SPATA6: variants seen among roughly 807,000 people sequenced by gnomAD.
The protein encoded by SPATA6 is spermatogenesis associated 6.
A neutral mutation model predicts 65.3 loss-of-function variants in SPATA6; 56 were observed. That is an observed-to-expected ratio of 0.86 (90% CI 0.69 to 1.07). The LOEUF is 1.07. Ranked by LOEUF, SPATA6 falls within the 50% of genes least tolerant of loss-of-function variation. The pLI, the probability that SPATA6 is intolerant of heterozygous loss-of-function variation, is 0.00. For synonymous variants in SPATA6, 199 were observed against 213.2 expected (o/e 0.93, Z 0.58); for missense variants, 590 against 594.8 (o/e 0.99, Z 0.08).
chr1:48,289,500 C>T, the SPATA6 span, among the ~76,000 whole-genome samples: 1 of 152,176 alleles, frequency 6.6e-6, no homozygotes, highest in Non-Finnish European at 1.5e-5. Context: ...TGGAGAATGA[C>T]TTTGACAAGT....
At chr1:48,366,605 G>A (rs1647023724) in intron 9 of SPATA6, among the ~76,000 whole-genome samples, 1 of 152,152 alleles carries the variant, frequency 6.6e-6, no homozygotes, top group African/African-American at 2.4e-5. Context: ...AGTATTCTCT[G>A]ATGGTAGTTT....
chr1:48,301,415 A>G (rs1182062545), intron 12 of SPATA6, among the ~76,000 whole-genome samples: 1 of 152,116 alleles, frequency 6.6e-6, no homozygotes, highest in Non-Finnish European at 1.5e-5. Context: ...AAGAATCAAT[A>G]TTGTTAAAAT....
chr1:48,320,258 G>A (rs1645563138), intron 11 of SPATA6, among the ~76,000 whole-genome samples: 1 of 152,198 alleles, frequency 6.6e-6, no homozygotes, highest in African/African-American at 2.4e-5. Flanking sequence ...TCAAGTACAA[G>A]AGGGTTATAG....
intron 11 of SPATA6, among the ~76,000 whole-genome samples, chr1:48,312,742 C>A (rs187583778): frequency 6.6e-6 from 1 of 152,020 alleles, no homozygotes; most frequent in African/African-American, 2.4e-5. Flanking sequence ...GATGATCAAA[C>A]GACTCCAAGC....
At chr1:48,406,699 T>C (rs1380984006) in intron 5 of SPATA6, among the ~76,000 whole-genome samples, 2 of 152,242 alleles carry the variant, frequency 1.3e-5, no homozygotes, top group African/African-American at 4.8e-5. Flanking sequence ...ACCATCATGA[T>C]ATTCACAGCT....
At chr1:48,418,065 T>C (rs1652948645) in intron 3 of SPATA6, among the ~76,000 whole-genome samples, 1 of 152,164 alleles carries the variant, frequency 6.6e-6, no homozygotes, top group African/African-American at 2.4e-5. Flanking sequence ...ATTTTATGCA[T>C]TTCTTAATTC....
intron 11 of SPATA6, among the ~76,000 whole-genome samples, chr1:48,351,396 C>A (rs1275100686): frequency 6.6e-6 from 1 of 151,954 alleles, no homozygotes; most frequent in African/African-American, 2.4e-5. Flanking sequence ...TGTTTCCGAA[C>A]TTTGAGAAAA....
At chr1:48,409,063 AG>A (rs1292085624) in intron 5 of SPATA6, among the ~76,000 whole-genome samples, 3 of 152,230 alleles carry the variant, frequency 2.0e-5, no homozygotes, top group African/African-American at 7.2e-5. Flanking sequence ...TTAACTCAAA[AG>A]TCCACAGTCC....
the SPATA6 span, among the ~76,000 whole-genome samples, chr1:48,278,609 A>C: frequency 6.6e-6 from 1 of 152,336 alleles, no homozygotes; most frequent in Admixed American, 6.5e-5. Context: ...GAATGAAATG[A>C]AGCGAGAAGG....
the SPATA6 span, among the ~76,000 whole-genome samples, chr1:48,281,567 G>A: frequency 6.6e-6 from 1 of 151,916 alleles, no homozygotes; most frequent in South Asian, 2.1e-4. Context: ...CAAATCATGA[G>A]TGAACTCCCA....
chr1:48,391,179 A>G (rs1650022266), intron 8 of SPATA6, among the ~76,000 whole-genome samples: 1 of 149,054 alleles, frequency 6.7e-6, no homozygotes, highest in African/African-American at 2.5e-5. Context: ...AGCCTAGGCA[A>G]CATGGTGAAA....
downstream of SPATA6, among the ~76,000 whole-genome samples, chr1:48,293,916 G>A (rs1297515471): frequency 1.3e-5 from 2 of 152,076 alleles, no homozygotes; most frequent in Non-Finnish European, 2.9e-5. Flanking sequence ...TTTGCGAATG[G>A]GTGAACAGTC....
At position 48,297,128 on chromosome 1, in the gene SPATA6, GTGTGT is replaced by G. The variant is rs1644827977; in HGVS notation, c.*1580_*1584del. ...TCCTACATATGACTCTCTAAGAGGTGTGTGTGTGTGTGTGTGTGTGTGTGTGTGTG... is the reference window on the plus strand; with the variant it reads ...TCCTACATATGACTCTCTAAGAGGTGGTGTGTGTGTGTGTGTGTGTGTGTG... On this transcript the variant is annotated 3_prime_UTR_variant, in exon 13 of 13. Coordinates refer to ENST00000371847, the MANE Select transcript of SPATA6 (RefSeq NM_019073.4). The G allele has an allele frequency of 3.1e-5, 1 of 31,940 alleles. No homozygotes were observed. Among genetic ancestry groups the G allele is most frequent in the South Asian group, 7.5e-4 (1 of 1,330 alleles). The allele number at this position is 31,940 out of a possible 1,614,324, so 2.0% of individuals were successfully genotyped here.
At chr1:48,274,953 G>A in the SPATA6 span, among the ~76,000 whole-genome samples, 1 of 152,080 alleles carries the variant, frequency 6.6e-6, no homozygotes, top group Non-Finnish European at 1.5e-5. Context: ...TTACTATATT[G>A]ATTCTTCCTA....
intron 8 of SPATA6, among the ~76,000 whole-genome samples, chr1:48,388,010 C>T (rs1407317345): frequency 3.3e-5 from 5 of 152,136 alleles, no homozygotes; most frequent in Non-Finnish European, 1.5e-5. Context: ...CTGAGTAGGC[C>T]AACTAGAGGC....
chr1:48,307,848 G>C (rs1449582937), intron 11 of SPATA6, among the ~76,000 whole-genome samples: 1 of 151,540 alleles, frequency 6.6e-6, no homozygotes, highest in Non-Finnish European at 1.5e-5. Flanking sequence ...ATTTTTATTT[G>C]TCTTTAGTAT....
At chr1:48,382,861 AC>A (rs1467217085) in intron 9 of SPATA6, among the ~76,000 whole-genome samples, 8 of 75,424 alleles carry the variant, frequency 1.1e-4, no homozygotes, top group African/African-American at 3.4e-4. Flanking sequence ...CAGGGGGCTG[AC>A]CCCCCCTCCC....
chr1:48,417,953 C>A (rs1436703688), intron 3 of SPATA6, among the ~76,000 whole-genome samples: 1 of 152,106 alleles, frequency 6.6e-6, no homozygotes, highest in African/African-American at 2.4e-5. Context: ...AGTTCTCTGA[C>A]CTCCTCAAAG....
chr1:48,354,435 TGCTTACAGCA>T (rs1031056148), intron 11 of SPATA6, among the ~76,000 whole-genome samples: 2 of 152,148 alleles, frequency 1.3e-5, no homozygotes, highest in African/African-American at 2.4e-5. Context: ...ATGTGCATAC[TGCTTACAGCA>T]GCTCTGTAAT....
Sources: gnomAD v4.1 joint callset for allele counts (sites outside exome capture counted in the v4.1 genomes callset) on GRCh38, gnomAD v4.1.1 for gene constraint, MANE v1.5 for transcripts, NCBI Gene and HGNC (gene_info 2026-07-23, HGNC 2026-07-21) for gene names.